Variants in CDYL observed in about 807,000 individuals in gnomAD.
CDYL encodes chromodomain Y like, also known as chromodomain Y-like protein.
Under a neutral mutation model 47.3 loss-of-function variants are expected in CDYL, and 8 were observed. The ratio of observed to expected loss-of-function variants is 0.17; its 90% CI spans 0.10 to 0.31. The LOEUF is 0.31. Ranked by LOEUF, CDYL falls within the 10% of genes least tolerant of loss-of-function variation. The pLI, the probability that CDYL is intolerant of heterozygous loss-of-function variation, is 1.00. For synonymous variants in CDYL, 266 were observed against 265.0 expected, an observed-to-expected ratio of 1.00 and a Z score of -0.04; for missense variants, 471 against 701.4, an observed-to-expected ratio of 0.67 and a Z score of 3.71.
intron 2 of CDYL, among the ~76,000 whole-genome samples, chr6:4,893,361 G>A (rs1762105104): frequency 6.6e-6 from 1 of 152,142 alleles, no homozygotes; most frequent in African/African-American, 2.4e-5. Flanking sequence ...CCACCACCTG[G>A]CCCTCTCCTC....
chr6:4,894,616 A>ATT (rs1762142736), intron 2 of CDYL, among the ~76,000 whole-genome samples: 1 of 152,008 alleles, frequency 6.6e-6, no homozygotes, highest in South Asian at 2.1e-4. Flanking sequence ...ATCCCGGCTA[A>ATT]TTTTTGTATT....
At chr6:4,718,218 AT>A (rs1446648963) in intron 2 of CDYL, among the ~76,000 whole-genome samples, 1 of 152,052 alleles carries the variant, frequency 6.6e-6, no homozygotes, top group African/African-American at 2.4e-5. Context: ...ATAATTTATT[AT>A]TTCATTTTTT....
intron 2 of CDYL, among the ~76,000 whole-genome samples, chr6:4,720,745 T>C (rs551787027): frequency 6.6e-6 from 1 of 152,364 alleles, no homozygotes; most frequent in East Asian, 1.9e-4. Flanking sequence ...TTTGAAATTC[T>C]GGCTTCCTGG....
intron 2 of CDYL, among the ~76,000 whole-genome samples, chr6:4,909,694 C>T (rs1344643346): frequency 3.3e-5 from 5 of 151,970 alleles, no homozygotes; most frequent in African/African-American, 4.8e-5. Flanking sequence ...CTCAGCCTCC[C>T]GATTTAGCTG....
chr6:4,929,282 G>A (rs1178664606), intron 2 of CDYL, among the ~76,000 whole-genome samples: 2 of 150,268 alleles, frequency 1.3e-5, no homozygotes, highest in Non-Finnish European at 3.0e-5. Flanking sequence ...CTTCTGTCTT[G>A]TATACTTTCT....
chr6:4,775,800 C>T (rs943519372), upstream of CDYL, among the ~76,000 whole-genome samples: 3 of 150,112 alleles, frequency 2.0e-5, no homozygotes, highest in African/African-American at 7.3e-5. The surrounding 1 kb of genome is among the most constrained non-coding windows in gnomAD (Gnocchi z 7.0). Context: ...GGTGCTCCAC[C>T]TGGCCACGCC....
intron 3 of CDYL, among the ~76,000 whole-genome samples, chr6:4,759,875 A>G (rs112630170): frequency 0.15 from 16,825 of 114,894 alleles, 2,212 homozygotes; most frequent in African/African-American, 0.31. Context: ...GAGAAACTCC[A>G]TCTCAAAAAA....
At chr6:4,731,752 T>TG (rs1317361554) in intron 2 of CDYL, among the ~76,000 whole-genome samples, 2 of 151,804 alleles carry the variant, frequency 1.3e-5, no homozygotes, top group Non-Finnish European at 2.9e-5. Context: ...TGAGCCGAGA[T>TG]GCAGGTTGCA....
chr6:4,751,008 A>G (rs1234311232), intron 3 of CDYL, among the ~76,000 whole-genome samples: 2 of 151,496 alleles, frequency 1.3e-5, no homozygotes, highest in African/African-American at 2.4e-5. Flanking sequence ...ACCCGCCACC[A>G]CGCCCGGCTA....
intron 1 of CDYL, among the ~76,000 whole-genome samples, chr6:4,777,122 C>T (rs1385049682): frequency 6.8e-6 from 1 of 147,088 alleles, no homozygotes; most frequent in Non-Finnish European, 1.5e-5. Context: ...GAAGTGGTGC[C>T]TCCGTTGCCG....
intron 2 of CDYL, among the ~76,000 whole-genome samples, chr6:4,919,105 A>G (rs1561708359): frequency 6.6e-6 from 1 of 152,134 alleles, no homozygotes; most frequent in Non-Finnish European, 1.5e-5. Flanking sequence ...GTTCCAGAAG[A>G]CCGGAACAAA....
At chr6:4,876,520 C>T (rs1228783302) in intron 1 of CDYL, among the ~76,000 whole-genome samples, 1 of 151,150 alleles carries the variant, frequency 6.6e-6, no homozygotes, top group African/African-American at 2.4e-5. Context: ...TTCTGATGGG[C>T]ATGTAGTTGT....
chr6:4,794,841 G>T (rs1367862821), intron 1 of CDYL, among the ~76,000 whole-genome samples: 1 of 152,120 alleles, frequency 6.6e-6, no homozygotes, highest in Non-Finnish European at 1.5e-5. Flanking sequence ...ACATAGAAAG[G>T]CTGTTTATGT....
chr6:4,858,923 A>G (rs574189089), intron 1 of CDYL, among the ~76,000 whole-genome samples: 1 of 152,374 alleles, frequency 6.6e-6, no homozygotes, highest in Non-Finnish European at 1.5e-5. Context: ...TGGTTGCCAC[A>G]TAAACACTGG....
chr6:4,850,402 G>A (rs564154309), intron 1 of CDYL, among the ~76,000 whole-genome samples: 1 of 152,166 alleles, frequency 6.6e-6, no homozygotes, highest in Non-Finnish European at 1.5e-5. Context: ...TAGAAAAGTC[G>A]ATGTTTTAGC....
intron 2 of CDYL, among the ~76,000 whole-genome samples, chr6:4,905,498 C>A (rs1020638513): frequency 1.3e-5 from 2 of 152,118 alleles, no homozygotes; most frequent in African/African-American, 4.8e-5. Context: ...TGCTTAATTC[C>A]GCAGGGGCAG....
At position 4,749,306 on chromosome 6, in the gene CDYL, T is replaced by TGG. The variant is rs59881853; in HGVS notation, c.186+14462_186+14463insGG. On this transcript the variant is annotated intron_variant, in intron 3 of 8. Transcript: ENST00000328908. Reference sequence around the variant, plus strand: ...TTGGATGGATGGATGGATGGATGGATAGATGGATGGATGGATGGATGGATG... The same window carrying TGG: ...TTGGATGGATGGATGGATGGATGGATGGAGATGGATGGATGGATGGATGGATG... 6.1e-3 allele frequency among the ~76,000 whole-genome samples: 687 copies of TGG among 112,494 alleles called. 3 individuals carry two copies. Among genetic ancestry groups the TGG allele is most frequent in the Middle Eastern group, 0.014 (3 of 220 alleles). The allele number at this position is 112,494 out of a possible 152,430, so 73.8% of individuals were successfully genotyped here. A position where few individuals can be genotyped will look rare whatever the true frequency, so the allele number is the denominator to read the frequency against.
chr6:4,807,626 T>G (rs9392638), intron 1 of CDYL, among the ~76,000 whole-genome samples: 1 of 111,686 alleles, frequency 9.0e-6, no homozygotes, highest in African/African-American at 3.4e-5. Flanking sequence ...TTTTTGGAGA[T>G]AGGCTCTTGC....
intron 3 of CDYL, among the ~76,000 whole-genome samples, chr6:4,748,344 A>AT (rs1757932590): frequency 6.6e-6 from 1 of 151,998 alleles, no homozygotes; most frequent in African/African-American, 2.4e-5. Flanking sequence ...GAAACACAGC[A>AT]TTTTTTTCCA....
Sources: allele counts gnomAD v4.1 joint callset (sites outside exome capture counted in the v4.1 genomes callset), GRCh38; gene constraint gnomAD v4.1.1; non-coding constraint Gnocchi (gnomAD v3.1); transcripts MANE v1.5; gene names NCBI Gene and HGNC (gene_info 2026-07-23, HGNC 2026-07-21).